The following LAMA3 variants were observed in gnomAD, a reference collection of about 807,000 sequenced individuals.
The protein encoded by LAMA3 is laminin subunit alpha-3.
A neutral mutation model predicts 402.0 loss-of-function variants in LAMA3; 281 were observed. The observed-to-expected ratio is 0.70, with a 90% CI of 0.63 to 0.77. LAMA3 has a LOEUF of 0.77. Among genes scored for constraint, LAMA3 ranks in the 30% least tolerant of loss-of-function variants. LAMA3 has a pLI of 0.00. For synonymous variants in LAMA3, 1,431 were observed against 1,558.4 expected, an observed-to-expected ratio of 0.92 and a Z score of 1.93; for missense variants, 3,840 against 4,215.5, an observed-to-expected ratio of 0.91 and a Z score of 2.47.
chr18:23,717,583 C>G, intron 2 of LAMA3, among the ~76,000 whole-genome samples: 1 of 118,748 alleles, frequency 8.4e-6, no homozygotes. Context: ...GACAGAGTCT[C>G]ACTCTGTCAC....
intron 1 of LAMA3, among the ~76,000 whole-genome samples, chr18:23,698,202 CTTTTTTTTTTTTT>C (rs755879182): frequency 1.8e-5 from 2 of 108,858 alleles, no homozygotes; most frequent in East Asian, 2.6e-4. Context: ...TCTTCTTCTT[CTTTTTTTTTTTTT>C]TTTTTTTTTG....
At chr18:23,808,845 C>A (rs925417981) in intron 12 of LAMA3, among the ~76,000 whole-genome samples, 2 of 152,162 alleles carry the variant, frequency 1.3e-5, no homozygotes, top group Non-Finnish European at 2.9e-5. Context: ...GGGCCCCATG[C>A]GCCAAGGCTT....
chr18:23,922,633 A>G (rs1176737609), intron 62 of LAMA3, among the ~76,000 whole-genome samples: 1 of 152,254 alleles, frequency 6.6e-6, no homozygotes, highest in Non-Finnish European at 1.5e-5. Flanking sequence ...TTTACAAATG[A>G]AGAAATTCAG....
At chr18:23,732,077 C>G (rs1033900658) in intron 2 of LAMA3, among the ~76,000 whole-genome samples, 1 of 152,128 alleles carries the variant, frequency 6.6e-6, no homozygotes, top group Non-Finnish European at 1.5e-5. Context: ...ACCAGTGCTT[C>G]CCAAACCTTA....
chr18:23,824,312 TATC>T (rs2063339996), intron 20 of LAMA3, 108 bp from the exon 21 acceptor site: 1 of 1,055,688 alleles, frequency 9.5e-7, no homozygotes, highest in Non-Finnish European at 1.5e-6. Context: ...GATCAGTACA[TATC>T]ATCTTAAACT....
Position 23,871,534 on chromosome 18 carries a change from C to T in LAMA3, c.4871C>T (p.Thr1624Ile), listed in dbSNP as rs769036016. Reference protein sequence around the residue: ...ADVRIQGLYFTETQRLTLSEV... With the variant: ...ADVRIQGLYFIETQRLTLSEV... ...GTGCGCATCCAAGGCCTCTACTTCA[C>T]AGAGACTCAAAGGCTCACCCTGAGC... The change falls in exon 38 of 75, where the codon ACA becomes ATA. Residue 1624 changes from threonine to isoleucine, a missense_variant. Thr to Ile is a moderately conservative substitution (Grantham distance 89). This residue lies in a region of LAMA3 where 2,109 missense variants were observed against 2,376.0 expected (regional missense o/e 0.89). Transcript: ENST00000313654. 2.5e-6 allele frequency: 4 copies of T among 1,614,242 alleles called. No individual in the cohort carries two copies. Among genetic ancestry groups the T allele is most frequent in the Non-Finnish European group, 3.4e-6 (4 of 1,180,042 alleles).
At chr18:23,865,128 C>A (rs1310206198) in intron 36 of LAMA3, among the ~76,000 whole-genome samples, 1 of 152,204 alleles carries the variant, frequency 6.6e-6, no homozygotes, top group East Asian at 1.9e-4. Context: ...TTGCCTCTCA[C>A]AAGTTACTGC....
chr18:23,713,422 A>G (rs560910197), intron 1 of LAMA3, among the ~76,000 whole-genome samples: 5 of 152,326 alleles, frequency 3.3e-5, no homozygotes, highest in East Asian at 1.9e-4. Flanking sequence ...GGCCACAGCC[A>G]TCTACTCCAT....
At chr18:23,730,400 G>A (rs184615695) in intron 2 of LAMA3, among the ~76,000 whole-genome samples, 35 of 125,344 alleles carry the variant, frequency 2.8e-4, no homozygotes, top group African/African-American at 9.8e-4. Context: ...ACGGAGTCTC[G>A]CTCTGTTATC....
At chr18:23,846,193 G>C in intron 30 of LAMA3, 104 bp from the exon 31 acceptor site, 1 of 1,139,864 alleles carries the variant, frequency 8.8e-7, no homozygotes, top group Non-Finnish European at 1.3e-6. Flanking sequence ...CCATGAGCCC[G>C]TCCCACAGAT....
intron 2 of LAMA3, among the ~76,000 whole-genome samples, chr18:23,743,828 G>A (rs1172496472): frequency 6.6e-6 from 1 of 152,074 alleles, no homozygotes; most frequent in Non-Finnish European, 1.5e-5. Flanking sequence ...CCTTATCTCT[G>A]ACCCCCAAAT....
At chr18:23,853,629 C>T (rs534970655) in intron 32 of LAMA3, among the ~76,000 whole-genome samples, 21 of 152,310 alleles carry the variant, frequency 1.4e-4, no homozygotes, top group Non-Finnish European at 3.1e-4. Context: ...TTCTCTGAGA[C>T]ATGGCAAGCA....
chr18:23,829,744 C>A (rs2063457847), intron 23 of LAMA3, among the ~76,000 whole-genome samples: 1 of 152,078 alleles, frequency 6.6e-6, no homozygotes, highest in Admixed American at 6.5e-5. Context: ...AACATTGTAC[C>A]TAATAGGTAC....
At position 23,857,083 on chromosome 18, in the gene LAMA3, A is replaced by T. The variant is rs547915147; in HGVS notation, c.4137-761A>T. On this transcript the variant is annotated intron_variant, in intron 32 of 74. Coordinates refer to ENST00000313654, the MANE Select transcript of LAMA3 (RefSeq NM_198129.4). ...TGCATGCACTGCCTCATGGGTTCCC[A>T]GCAATCCCAGGAGGCAGCAGCTACC... Among the ~76,000 whole-genome samples, 14 of 152,338 alleles carry T rather than the reference A, an allele frequency of 9.2e-5. No individual in the cohort carries two copies. The South Asian group carries it at 2.9e-3, about 32-fold the overall frequency.
intron 47 of LAMA3, 110 bp downstream of exon 47, chr18:23,899,565 C>T (rs2080998272): frequency 1.8e-6 from 2 of 1,098,336 alleles, no homozygotes; most frequent in African/African-American, 1.6e-5. Flanking sequence ...CTCATGGTTT[C>T]AGCGAATATT....
intron 12 of LAMA3, among the ~76,000 whole-genome samples, chr18:23,808,507 G>A (rs1237553704): frequency 6.6e-6 from 1 of 152,166 alleles, no homozygotes; most frequent in African/African-American, 2.4e-5. Context: ...CAAGGGTGCT[G>A]CTGGAACACA....
intron 27 of LAMA3, among the ~76,000 whole-genome samples, chr18:23,841,421 T>C (rs2063699035): frequency 6.6e-6 from 1 of 152,138 alleles, no homozygotes; most frequent in African/African-American, 2.4e-5. Flanking sequence ...AACACTCGTT[T>C]TCATGGTGGG....
intron 2 of LAMA3, among the ~76,000 whole-genome samples, chr18:23,737,683 AG>A (rs2061498266): frequency 6.6e-6 from 1 of 152,232 alleles, no homozygotes; most frequent in African/African-American, 2.4e-5. Context: ...GCCCTCATCC[AG>A]GCAGGTTACC....
intron 2 of LAMA3, among the ~76,000 whole-genome samples, chr18:23,741,266 G>A (rs775405548): frequency 3.9e-5 from 6 of 152,050 alleles, no homozygotes; most frequent in Non-Finnish European, 7.4e-5. Flanking sequence ...GAGTTTTTCA[G>A]CACAGGGTGA....
Sources: allele counts gnomAD v4.1 joint callset (sites outside exome capture counted in the v4.1 genomes callset), GRCh38; gene constraint gnomAD v4.1.1; regional missense constraint gnomAD v4.1.1; transcripts MANE v1.5; gene names NCBI Gene and HGNC (gene_info 2026-07-23, HGNC 2026-07-21).